ZNF469: variants seen among roughly 807,000 people sequenced by gnomAD.
ZNF469 encodes the protein zinc finger protein 469.
Under a neutral mutation model 1.0 loss-of-function variants are expected in ZNF469, and 1 was observed. The ratio of observed to expected loss-of-function variants is 1.00; its 90% CI spans 0.35 to 4.73. The LOEUF (loss-of-function observed/expected upper bound fraction) is 4.73. Among genes scored for constraint, ZNF469 ranks in the 30% most tolerant of loss-of-function variants. The pLI, the probability that ZNF469 is intolerant of heterozygous loss-of-function variation, is 0.16. For missense variants in ZNF469, 6,100 were observed against 5,356.3 expected, an observed-to-expected ratio of 1.14 and a Z score of -4.33; for synonymous variants, 2,703 against 2,363.4, an observed-to-expected ratio of 1.14 and a Z score of -4.17.
chr16:88,295,483 C>A, the ZNF469 span, among the ~76,000 whole-genome samples: 375 of 151,834 alleles, frequency 2.5e-3, 2 homozygotes, highest in African/African-American at 8.8e-3. Flanking sequence ...TCATCTTGGG[C>A]CCCCAGGATG....
the ZNF469 span, among the ~76,000 whole-genome samples, chr16:88,133,123 A>G: frequency 3.2e-4 from 48 of 152,210 alleles, no homozygotes; most frequent in African/African-American, 1.1e-3. Flanking sequence ...CCTGCGATCA[A>G]CATCACCCAC....
At chr16:88,110,229 G>T in the ZNF469 span, among the ~76,000 whole-genome samples, 1 of 152,342 alleles carries the variant, frequency 6.6e-6, no homozygotes, top group African/African-American at 2.4e-5. Context: ...CCCCTGGAGG[G>T]TGAGTTCAGA....
the ZNF469 span, among the ~76,000 whole-genome samples, chr16:88,157,343 T>C: frequency 2.6e-5 from 4 of 152,318 alleles, no homozygotes; most frequent in South Asian, 8.3e-4. Context: ...ACACAAGATG[T>C]TGCACCACAG....
chr16:88,222,424 G>A, the ZNF469 span, among the ~76,000 whole-genome samples: 963 of 152,262 alleles, frequency 6.3e-3, 5 homozygotes, highest in Non-Finnish European at 0.011. Flanking sequence ...GAGTAGCTGG[G>A]ACTACAAGTG....
the ZNF469 span, among the ~76,000 whole-genome samples, chr16:88,318,572 GA>G: frequency 6.6e-6 from 1 of 152,266 alleles, no homozygotes; most frequent in African/African-American, 2.4e-5. Context: ...TGGGGTGGGG[GA>G]TCAAGAAGGG....
In ZNF469 at chr16:88,432,801, C is replaced by CA; in HGVS notation, c.5331_5332insA (p.Pro1778ThrfsTer29). ...CCTGTGAACAGAGAGGAGGGTTCCT[C>CA]CCAGAGCCCGGCACAGCAGACCAGC... On this transcript the variant is annotated frameshift_variant, in exon 3 of 3. Transcript: ENST00000565624. LOFTEE classifies it low-confidence loss of function (END_TRUNC). The CA allele has an allele frequency of 6.5e-7, 1 of 1,550,378 alleles. No individual in the cohort carries two copies. Among genetic ancestry groups the CA allele is most frequent in the Non-Finnish European group, 8.7e-7 (1 of 1,146,998 alleles).
rs995287159 is a variant in ZNF469 at position 88,436,107 on chromosome 16, G to A, written c.8637G>A (p.Gly2879=). Residue 2879 remains glycine, a synonymous_variant, in exon 3 of 3, where the codon GGG becomes GGA. Transcript: ENST00000565624. ...GAAAGAGGAACCCGCATGTCTACGGGAAGCGCTGTGAGAAGCCGGTGCTCC... is the reference window on the plus strand; with the variant it reads ...GAAAGAGGAACCCGCATGTCTACGGAAAGCGCTGTGAGAAGCCGGTGCTCC... ...LTRKRNPHVY[G]KRCEKPVLPL... The A allele has an allele frequency of 1.5e-5, 23 of 1,549,046 alleles. No individual in the cohort carries two copies. In the Admixed American group the frequency reaches 4.3e-4, roughly 29 times the overall value.
chr16:88,366,815 C>T, the ZNF469 span, among the ~76,000 whole-genome samples: 2 of 151,560 alleles, frequency 1.3e-5, no homozygotes, highest in Non-Finnish European at 2.9e-5. Flanking sequence ...CTGTCATCAC[C>T]ACCACCATCN....
rs1483808854 is a variant in ZNF469, at chr16:88,430,588, A to C, written c.3118A>C (p.Lys1040Gln). 8 of 1,500,532 alleles carry C rather than the reference A, an allele frequency of 5.3e-6. No individual in the cohort carries two copies. Among genetic ancestry groups the C allele is most frequent in the Non-Finnish European group, 7.1e-6 (8 of 1,131,832 alleles). 93.0% of individuals were successfully genotyped at this position (1,500,532 alleles called of 1,614,324 possible). ...LPPRKDPRKR[K>Q]ARGGAWGKEL... The stretch of plus-strand genomic sequence containing the variant: ...CCCCAGGAAGGACCCCAGGAAGAGG[A>C]AGGCTCGGGGCGGCGCCTGGGGCAA... The change falls in exon 3 of 3, where the codon AAG (lysine) becomes CAG (glutamine). Residue 1040 changes from lysine (K) to glutamine (Q), a missense_variant. By Grantham distance (53) the Lys-to-Gln change is moderately conservative (BLOSUM62 1). Transcript: ENST00000565624.
chr16:88,107,681 G>T, the ZNF469 span, among the ~76,000 whole-genome samples: 3 of 152,376 alleles, frequency 2.0e-5, no homozygotes, highest in African/African-American at 7.2e-5. Context: ...AAGAGGCAGA[G>T]GAAGATTCGG....
chr16:88,152,060 G>A, the ZNF469 span, among the ~76,000 whole-genome samples: 267 of 152,350 alleles, frequency 1.8e-3, 1 homozygote, highest in African/African-American at 6.1e-3. This position sits in a 1 kb window ranked among gnomAD's most constrained non-coding sequence, Gnocchi z 4.2. Context: ...GCAGGGTGTG[G>A]GGAAAGCCCC....
the ZNF469 span, among the ~76,000 whole-genome samples, chr16:88,257,145 G>A: frequency 6.6e-5 from 9 of 136,912 alleles, no homozygotes; most frequent in African/African-American, 2.2e-4. Context: ...TGCATTTTTA[G>A]TAGAGAAAGG....
intron 2 of ZNF469, among the ~76,000 whole-genome samples, chr16:88,425,743 C>T (rs980425677): frequency 6.6e-6 from 1 of 152,228 alleles, no homozygotes. Flanking sequence ...GCCTTTGCCC[C>T]CTGGCAGTGG....
intron 1 of ZNF469, among the ~76,000 whole-genome samples, chr16:88,384,252 C>T (rs1363853254): frequency 6.6e-6 from 1 of 152,190 alleles, no homozygotes; most frequent in Non-Finnish European, 1.5e-5. Context: ...GCGGTAGTGT[C>T]GTGGACAGCC....
At chr16:88,165,679 C>T in the ZNF469 span, among the ~76,000 whole-genome samples, 3 of 152,272 alleles carry the variant, frequency 2.0e-5, no homozygotes, top group African/African-American at 7.2e-5. Context: ...TTCTCTGGGA[C>T]TCAGTACTTT....
the ZNF469 span, among the ~76,000 whole-genome samples, chr16:88,236,191 A>G: frequency 4.6e-5 from 7 of 152,248 alleles, no homozygotes. Context: ...CCATCTCTCC[A>G]GCATCAGAAA....
chr16:88,430,347 C>T lies in ZNF469; in HGVS notation c.2877C>T (p.Asp959=), dbSNP rs752301003. Residue 959 remains aspartate, a synonymous_variant, in exon 3 of 3, where the codon GAC becomes GAT. Transcript: ENST00000565624. The part of the protein sequence containing the change: ...KQLKLFRKDL[D]SGGAAEGSGS... ...TGAAGCTGTTCCGGAAGGATCTGGA[C>T]TCGGGCGGCGCAGCAGAGGGGTCGG... 6.6e-7 allele frequency: 1 copy of T among 1,513,952 alleles called. No homozygotes were observed. The highest frequency in any genetic ancestry group is 1.2e-5 in the South Asian group (1 of 80,764). 93.8% of individuals were successfully genotyped at this position (1,513,952 alleles called of 1,614,324 possible).
At chr16:88,372,893 A>T in the ZNF469 span, among the ~76,000 whole-genome samples, 1 of 151,744 alleles carries the variant, frequency 6.6e-6, no homozygotes, top group Admixed American at 6.6e-5. Flanking sequence ...CATCACCACC[A>T]CTACCATCAT....
At chr16:88,294,928 G>A in the ZNF469 span, 2 of 163,112 alleles carry the variant, frequency 1.2e-5, no homozygotes, top group African/African-American at 4.8e-5. Context: ...ACAATGACTA[G>A]CAAGAGCCTC....
Sources: allele counts gnomAD v4.1 joint callset (sites outside exome capture counted in the v4.1 genomes callset), GRCh38; gene constraint gnomAD v4.1.1; non-coding constraint Gnocchi (gnomAD v3.1); transcripts MANE v1.5; gene names NCBI Gene and HGNC (gene_info 2026-07-23, HGNC 2026-07-21).